Variants in FGF14 observed in about 807,000 individuals in gnomAD.
FGF14 encodes the protein fibroblast growth factor 14.
FGF14 carries 5 observed loss-of-function variants against 25.5 expected under a neutral mutation model. The observed-to-expected ratio is 0.20, with a 90% confidence interval of 0.10 to 0.41. The LOEUF is 0.41. FGF14 is among the 10% of genes least tolerant of loss of function. FGF14 has a pLI of 1.00. For synonymous variants in FGF14, 138 were observed against 118.3 expected, an observed-to-expected ratio of 1.17 and a Z score of -1.08; for missense variants, 222 against 320.1, an observed-to-expected ratio of 0.69 and a Z score of 2.34.
rs142743396 is a variant in FGF14 at position 102,016,109 on chromosome 13, C to T, written c.209-140813G>A. 2.8e-3 allele frequency among the ~76,000 whole-genome samples: 428 copies of T among 152,064 alleles called. 2 individuals are homozygous for T. Among genetic ancestry groups the T allele is most frequent in the African/African-American group, 9.6e-3 (398 of 41,486 alleles). On this transcript the variant is annotated intron_variant, in intron 1 of 4. Transcript: ENST00000376131. ...AACTTGCATTTGAGTGGCCAATATA[C>T]GCCAAAGCATCATTTTAAGTATTTT...
chr13:101,868,681 A>T, intron 3 of FGF14, 44 bp downstream of exon 3: 1 of 1,139,574 alleles, frequency 8.8e-7, no homozygotes, highest in Non-Finnish European at 1.3e-6. Context: ...TTGTTATTTT[A>T]CATGCATTGA....
chr13:102,027,389 T>C (rs1224327575), intron 1 of FGF14, among the ~76,000 whole-genome samples: 2 of 151,898 alleles, frequency 1.3e-5, no homozygotes, highest in Admixed American at 6.6e-5. Flanking sequence ...TCTTTCAGTA[T>C]AAATGGAGAT....
chr13:102,318,399 T>C (rs1419694535), intron 1 of FGF14, among the ~76,000 whole-genome samples: 1 of 152,160 alleles, frequency 6.6e-6, no homozygotes, highest in Non-Finnish European at 1.5e-5. Context: ...ATCAGCTGCG[T>C]GGCCTAAACA....
At chr13:102,145,111 C>T (rs1198616602) in intron 1 of FGF14, among the ~76,000 whole-genome samples, 1 of 152,148 alleles carries the variant, frequency 6.6e-6, no homozygotes, top group Non-Finnish European at 1.5e-5. Context: ...TCAATTTTAA[C>T]AGAACCTCGA....
intron 1 of FGF14, among the ~76,000 whole-genome samples, chr13:102,176,767 G>A (rs563588778): frequency 2.0e-5 from 3 of 152,230 alleles, no homozygotes; most frequent in South Asian, 4.1e-4. Context: ...AAATTTTAGA[G>A]GTGAGGGACA....
chr13:102,257,497 A>G (rs1336716), intron 1 of FGF14, among the ~76,000 whole-genome samples: 122,964 of 150,958 alleles, frequency 0.81, 50,627 homozygotes, highest in African/African-American at 0.94. Flanking sequence ...GACTATAGGC[A>G]TACATCACAA....
rs1023598176 is a variant in FGF14, at chr13:101,771,424, A to C, written c.409-44614T>G. On this transcript the variant is annotated intron_variant, in intron 3 of 4. Coordinates refer to ENST00000376143, the MANE Select transcript of FGF14 (RefSeq NM_004115.4). The stretch of plus-strand genomic sequence containing the variant: ...ATTTCTCCTCATTATGGCTAGGCTA[A>C]AAATCAGGATTAAAGCATTAGTAGA... Among the ~76,000 whole-genome samples the C allele has an allele frequency of 5.9e-5, 9 of 152,270 alleles. No individual in the cohort carries two copies. The South Asian group carries it at 1.9e-3, about 32-fold the overall frequency.
At chr13:101,834,497 C>T (rs2042824948) in intron 3 of FGF14, among the ~76,000 whole-genome samples, 1 of 152,072 alleles carries the variant, frequency 6.6e-6, no homozygotes, top group African/African-American at 2.4e-5. Flanking sequence ...TTCTTCCAAA[C>T]ACCCACTTAT....
chr13:102,221,501 G>C (rs1351094428), intron 1 of FGF14, among the ~76,000 whole-genome samples: 4 of 152,110 alleles, frequency 2.6e-5, no homozygotes, highest in African/African-American at 9.7e-5. Context: ...CTGAGTACTT[G>C]AGAGGGAGAA....
intron 3 of FGF14, among the ~76,000 whole-genome samples, chr13:101,755,658 A>G (rs1294333634): frequency 6.6e-6 from 1 of 152,218 alleles, no homozygotes; most frequent in Non-Finnish European, 1.5e-5. Context: ...CATGGACAGG[A>G]CTGTCATATC....
At chr13:101,886,305 T>C (rs778213063) in intron 1 of FGF14, among the ~76,000 whole-genome samples, 4 of 152,072 alleles carry the variant, frequency 2.6e-5, no homozygotes, top group Non-Finnish European at 5.9e-5. Context: ...TACAAAGCCA[T>C]AGTAACTAAC....
intron 1 of FGF14, among the ~76,000 whole-genome samples, chr13:102,058,620 C>T (rs2042541362): frequency 6.6e-6 from 1 of 152,112 alleles, no homozygotes; most frequent in South Asian, 2.1e-4. Flanking sequence ...TCACTATTAC[C>T]TCTTAGTGTG....
chr13:101,753,651 A>T lies in FGF14; in HGVS notation c.409-26841T>A, dbSNP rs1341988072. 1.2e-4 allele frequency among the ~76,000 whole-genome samples: 18 copies of T among 152,134 alleles called. 1 individual carries two copies. The highest frequency in any genetic ancestry group is 1.2e-3 in the Admixed American group (18 of 15,270). On this transcript the variant is annotated intron_variant, in intron 3 of 4. Coordinates refer to ENST00000376143, the MANE Select transcript of FGF14 (RefSeq NM_004115.4). ...GAAACCCCGTCTCTACTAAAAATAA[A>T]AATCAGCTGGGCGTGGTGGCGCATG... is the stretch of plus-strand genomic sequence containing the variant.
chr13:101,850,610 G>A lies in FGF14; in HGVS notation c.408+18115C>T, dbSNP rs559961622. ...TATATATTATATAATTCTATATATA[G>A]CATATATATTCTATATATATAGAAA... On this transcript the variant is annotated intron_variant, in intron 3 of 4. Coordinates refer to ENST00000376143, the MANE Select transcript of FGF14 (RefSeq NM_004115.4). Among the ~76,000 whole-genome samples, 11 of 123,124 alleles carry A rather than the reference G, an allele frequency of 8.9e-5. No homozygotes were observed. In the South Asian group the frequency reaches 2.8e-3, roughly 31 times the overall value. The allele number at this position is 123,124 out of a possible 152,430, so 80.8% of individuals were successfully genotyped here. A position where few individuals can be genotyped will look rare whatever the true frequency, so the allele number is the denominator to read the frequency against.
intron 1 of FGF14, among the ~76,000 whole-genome samples, chr13:102,280,310 G>A (rs1446190291): frequency 6.6e-6 from 1 of 152,180 alleles, no homozygotes; most frequent in Non-Finnish European, 1.5e-5. Context: ...CCCAAAGAGA[G>A]AGAACTGCCT....
At chr13:102,300,896 A>G (rs2055003921) in intron 1 of FGF14, among the ~76,000 whole-genome samples, 1 of 149,648 alleles carries the variant, frequency 6.7e-6, no homozygotes, top group South Asian at 2.1e-4. Context: ...CTGACGCCCC[A>G]AAGTCCTTAC....
chr13:102,299,701 C>G, intron 1 of FGF14: 1 of 152,284 alleles, frequency 6.6e-6, no homozygotes, highest in East Asian at 1.9e-4. Context: ...ATAGCATAGG[C>G]TCCCTGTTTC....
rs149290256 is a variant in FGF14 at position 101,794,247 on chromosome 13, GCT to G, written c.409-67439_409-67438del. The stretch of plus-strand genomic sequence containing the variant: ...ACTGAGGCTCTCTGTAAGCATCTGT[GCT>G]CTCTCTCAGTCTCTAGTCATTCCTA... On this transcript the variant is annotated intron_variant, in intron 3 of 4. Transcript: ENST00000376143. Among the ~76,000 whole-genome samples the G allele has an allele frequency of 6.8e-3, 1,041 of 151,986 alleles. 12 individuals are homozygous for G. Among genetic ancestry groups the G allele is most frequent in the African/African-American group, 0.023 (955 of 41,462 alleles).
At chr13:101,801,358 T>A (rs984450747) in intron 3 of FGF14, among the ~76,000 whole-genome samples, 35 of 152,246 alleles carry the variant, frequency 2.3e-4, no homozygotes, top group Middle Eastern at 3.4e-3. Flanking sequence ...GACAATTTTT[T>A]TTTTTTTTCT....
Sources: gnomAD v4.1 joint callset for allele counts (sites outside exome capture counted in the v4.1 genomes callset) on GRCh38, gnomAD v4.1.1 for gene constraint, MANE v1.5 for transcripts, NCBI Gene and HGNC (gene_info 2026-07-23, HGNC 2026-07-21) for gene names.